GPAT2: variants seen among roughly 807,000 people sequenced by gnomAD.
GPAT2 encodes the protein 1-acylglycerol-3-phosphate O-acyltransferase GPAT2.
Under a neutral mutation model 71.0 loss-of-function variants are expected in GPAT2, and 51 were observed. The ratio of observed to expected loss-of-function variants is 0.72; its 90% CI spans 0.57 to 0.91. The LOEUF is 0.91. GPAT2 is among the 40% of genes least tolerant of loss of function. The probability of loss-of-function intolerance (pLI) is 0.00; values close to 1 mark genes in which losing one functional copy is unlikely to be tolerated. For synonymous variants in GPAT2, 222 were observed against 290.3 expected, an observed-to-expected ratio of 0.76 and a Z score of 2.39; for missense variants, 511 against 666.0, an observed-to-expected ratio of 0.77 and a Z score of 2.56.
Position 96,024,417 on chromosome 2 carries a change from C to G in GPAT2, c.1687+10G>C, listed in dbSNP as rs771806446. On this transcript the variant is annotated intron_variant, in intron 15 of 21. Transcript: ENST00000434632. ...CACATCCCACCTACCCCGTGCACCT[C>G]AAGACTCACCGCCCACAGCCTCGCT... 6.2e-7 allele frequency: 1 copy of G among 1,613,206 alleles called. No homozygotes were observed. Among genetic ancestry groups the G allele is most frequent in the African/African-American group, 1.3e-5 (1 of 74,912 alleles).
chr2:96,023,125 C>T lies in GPAT2; in HGVS notation c.2148G>A (p.Gln716=), dbSNP rs768427101. 8.7e-6 allele frequency: 14 copies of T among 1,610,660 alleles called. No individual in the cohort carries two copies. In the East Asian group the frequency reaches 2.9e-4, roughly 33 times the overall value. Residue 716 remains glutamine, a synonymous_variant, in exon 19 of 22, where the codon CAG becomes CAA. Transcript: ENST00000434632. ...AFAQAAAFLR[Q]GQLPDTELGY... ...CCTCACCAGTATCGGGCAGCTGGCCCTGGCGGAGGAAGGCGGCAGCCTGTG... is the reference window on the plus strand; with the variant it reads ...CCTCACCAGTATCGGGCAGCTGGCCTTGGCGGAGGAAGGCGGCAGCCTGTG...
rs368549574 is a variant in GPAT2, at chr2:96,025,480, C to T, written c.1357+5G>A. Reference sequence around the variant, plus strand: ...CGCAAAGGCCCAGATCTGGTTCACCCTCACCACTCAGGACATGACAGCTCA... The same window carrying T: ...CGCAAAGGCCCAGATCTGGTTCACCTTCACCACTCAGGACATGACAGCTCA... On this transcript the variant is annotated splice_donor_5th_base_variant and intron_variant, in intron 13 of 21. Transcript: ENST00000434632. 1.0e-5 allele frequency: 16 copies of T among 1,572,732 alleles called. No homozygotes were observed. Among genetic ancestry groups the T allele is most frequent in the Non-Finnish European group, 1.4e-5 (16 of 1,159,352 alleles).
Position 96,022,962 on chromosome 2 carries a change from G to T in GPAT2, c.2229C>A (p.Ile743=). The change falls in exon 20 of 22, where the codon ATC becomes ATA. Residue 743 remains isoleucine, a synonymous_variant. Coordinates refer to ENST00000434632, the MANE Select transcript of GPAT2 (RefSeq NM_001321527.2). The stretch of plus-strand genomic sequence containing the variant: ...GGCTGACTGGTTGGGACTCACCGAA[G>T]ATCCCTTCTTCCTGGGCGGTGGCCT... The part of the protein sequence containing the change: ...FLQATAQEEG[I]FECADPKLAI... The T allele has an allele frequency of 6.2e-7, 1 of 1,613,850 alleles. No individual in the cohort carries two copies. The highest frequency in any genetic ancestry group is 8.5e-7 in the Non-Finnish European group (1 of 1,179,852).
In GPAT2 at chr2:96,022,286, G is replaced by T; in HGVS notation, c.2290-11C>A. The T allele has an allele frequency of 1.3e-6, 2 of 1,584,122 alleles. No homozygotes were observed. Among genetic ancestry groups the T allele is most frequent in the Non-Finnish European group, 1.7e-6 (2 of 1,164,132 alleles). ...CGTCTGCTGCAGAACCTGGGCCATG[G>T]AAGATAAGCCGTGAGTGCGCTCACC... is the stretch of plus-strand genomic sequence containing the variant. On this transcript the variant is annotated splice_polypyrimidine_tract_variant and intron_variant, in intron 21 of 21. Transcript: ENST00000434632.
intron 14 of GPAT2, 39 bp downstream of exon 14, chr2:96,024,734 C>T (rs780303531): frequency 1.3e-5 from 21 of 1,613,304 alleles, no homozygotes; most frequent in African/African-American, 2.7e-5. Flanking sequence ...ATCGCCACCC[C>T]CCCCACCGCC....
At chr2:96,034,017 C>T (rs1158513573) in intron 1 of GPAT2, among the ~76,000 whole-genome samples, 1 of 151,726 alleles carries the variant, frequency 6.6e-6, no homozygotes, top group African/African-American at 2.4e-5. Flanking sequence ...TATATATACA[C>T]ACACATATAT....
intron 16 of GPAT2, 86 bp downstream of exon 16, chr2:96,024,103 A>G: frequency 6.3e-7 from 1 of 1,578,038 alleles, no homozygotes; most frequent in Non-Finnish European, 8.6e-7. Context: ...AGGAGGTTTC[A>G]GAGGTAGAGC....
intron 14 of GPAT2, 28 bp downstream of exon 14, chr2:96,024,745 C>A: frequency 1.9e-6 from 3 of 1,613,972 alleles, no homozygotes; most frequent in Non-Finnish European, 2.5e-6. Flanking sequence ...CCCCACCGCC[C>A]AGGTCCCCAC....
At chr2:96,022,511 A>C (rs918717343) in intron 21 of GPAT2, among the ~76,000 whole-genome samples, 157 bp downstream of exon 21, 12 of 152,158 alleles carry the variant, frequency 7.9e-5, no homozygotes, top group African/African-American at 2.9e-4. Context: ...CCCATCACCA[A>C]ATCTGTTGCT....
chr2:96,024,486 G>C lies in GPAT2; in HGVS notation c.1628C>G (p.Thr543Arg), dbSNP rs768901134. The change falls in exon 15 of 22, where the codon ACA (threonine) becomes AGA (arginine). Residue 543 changes from threonine (T) to arginine (R), a missense_variant. By Grantham distance (71) the Thr-to-Arg change is moderately conservative. Around this residue, in one of 7 missense-constraint regions of GPAT2, gnomAD observed 295 missense variants for 305.5 expected, o/e 0.97. Coordinates refer to ENST00000434632, the MANE Select transcript of GPAT2 (RefSeq NM_001321527.2). ...LVVPQPGPGL[T>R]HLAQLSAELL... is the part of the protein sequence containing the mutation. ...CTCAGCACTCAGTTGTGCCAGGTGT[G>C]TGAGGCCTGGGCCAGGCTGCGGCAC... The C allele has an allele frequency of 1.9e-6, 3 of 1,613,898 alleles. No individual in the cohort carries two copies. Among genetic ancestry groups the C allele is most frequent in the East Asian group, 2.2e-5 (1 of 44,896 alleles).
chr2:96,023,101 C>A lies in GPAT2; in HGVS notation c.2167+5G>T. 5 of 1,613,240 alleles carry A rather than the reference C, an allele frequency of 3.1e-6. No individual in the cohort carries two copies. Among genetic ancestry groups the A allele is most frequent in the Non-Finnish European group, 4.2e-6 (5 of 1,179,304 alleles). On this transcript the variant is annotated splice_donor_5th_base_variant and intron_variant, in intron 19 of 21. Coordinates refer to ENST00000434632, the MANE Select transcript of GPAT2 (RefSeq NM_001321527.2). ...TCGAGGACTGCAAGGGAACAAGGGC[C>A]TCACCAGTATCGGGCAGCTGGCCCT...
At position 96,022,268 on chromosome 2, in the gene GPAT2, T is replaced by C; in HGVS notation, c.2297A>G (p.Gln766Arg). ...VWTFRDLGVL[Q>R]QTPSPAGPRL... ...GGGGCCTGCAGGGCTCGGCGTCTGC[T>C]GCAGAACCTGGGCCATGGAAGATAA... The change falls in exon 22 of 22, where the codon CAG (glutamine) becomes CGG (arginine). Residue 766 changes from glutamine to arginine, a missense_variant. By Grantham distance (43) the Gln-to-Arg change is conservative. Transcript: ENST00000434632. 6.3e-7 allele frequency: 1 copy of C among 1,595,462 alleles called. No homozygotes were observed.
Position 96,023,327 on chromosome 2 carries a change from A to G in GPAT2, c.2028T>C (p.Ala676=), listed in dbSNP as rs374532351. ...AACACACCCTGAAGTACCGGCCGTCAGCCTCTCCGAAGTCATCACTGTCAC... is the reference window on the plus strand; with the variant it reads ...AACACACCCTGAAGTACCGGCCGTCGGCCTCTCCGAAGTCATCACTGTCAC... ...TDSDSDDFGE[A]DGRYFRLSQQ... Residue 676 remains alanine, a synonymous_variant, in exon 18 of 22, where the codon GCT becomes GCC. Transcript: ENST00000434632. 1.8e-4 allele frequency: 297 copies of G among 1,614,104 alleles called. 1 individual carries two copies. Among genetic ancestry groups the G allele is most frequent in the Non-Finnish European group, 2.3e-4 (273 of 1,180,030 alleles).
rs774238443 is a variant in GPAT2 at position 96,023,354 on chromosome 2, A to G, written c.2001T>C (p.Asp667=). The G allele has an allele frequency of 3.1e-6, 5 of 1,614,188 alleles. No homozygotes were observed. The South Asian group carries it at 3.3e-5, about 11-fold the overall frequency. The change falls in exon 18 of 22, where the codon GAT becomes GAC. Residue 667 remains aspartate (D), a synonymous_variant. Coordinates refer to ENST00000434632, the MANE Select transcript of GPAT2 (RefSeq NM_001321527.2). ...CCTCTCCGAAGTCATCACTGTCACT[A>G]TCAGTAAAGTCCCCACTCGGTTTCC... ...LLWKPSGDFT[D]SDSDDFGEAD... is the part of the protein sequence containing the mutation.
intron 13 of GPAT2, chr2:96,025,130 G>A: frequency 3.4e-6 from 2 of 585,910 alleles, no homozygotes; most frequent in Admixed American, 3.0e-5. Context: ...CTCTGTGGAG[G>A]CGCTGTGCTA....
chr2:96,024,588 C>T lies in GPAT2; in HGVS notation c.1526G>A (p.Ser509Asn), dbSNP rs1171449029. The change falls in exon 15 of 22, where the codon AGC becomes AAC. Residue 509 changes from serine (S) to asparagine (N), a missense_variant. Coordinates refer to ENST00000434632, the MANE Select transcript of GPAT2 (RefSeq NM_001321527.2). ...FDVGFSGQLR[S>N]LLQHSLSLLR... ...CAGGCTCAGTGAGTGCTGCAGCAGG[C>T]TCCGCAGCTGCCCAGAGAAGCCTAC... 4 of 1,613,854 alleles carry T rather than the reference C, an allele frequency of 2.5e-6. No individual in the cohort carries two copies. The South Asian group carries it at 4.4e-5, about 18-fold the overall frequency.
rs1407651099 is a variant in GPAT2, at chr2:96,023,403, T to C, written c.1952A>G (p.Gln651Arg). 6.2e-6 allele frequency: 10 copies of C among 1,614,116 alleles called. No homozygotes were observed. Among genetic ancestry groups the C allele is most frequent in the South Asian group, 1.1e-5 (1 of 91,088 alleles). Reference protein sequence around the residue: ...GSRPACDTGRQRLSRKLLWKP... With the variant: ...GSRPACDTGRRRLSRKLLWKP... ...CCACAGCAGCTTTCTGCTCAATCGC[T>C]GTCGCCCTGTGTCACAGGCTGGCCG... Residue 651 changes from glutamine to arginine, a missense_variant, in exon 18 of 22, where the codon CAG becomes CGG. Physicochemically the swap from Gln to Arg is conservative, Grantham distance 43. Around this residue, in one of 7 missense-constraint regions of GPAT2, gnomAD observed 295 missense variants for 305.5 expected, o/e 0.97. Coordinates refer to ENST00000434632, the MANE Select transcript of GPAT2 (RefSeq NM_001321527.2).
chr2:96,024,345 C>T lies in GPAT2; in HGVS notation c.1688-8G>A, dbSNP rs530415286. The T allele has an allele frequency of 3.0e-5, 48 of 1,594,532 alleles. 1 individual carries two copies. The highest frequency in any genetic ancestry group is 7.9e-5 in the South Asian group (7 of 88,428). On this transcript the variant is annotated splice_region_variant and splice_polypyrimidine_tract_variant and intron_variant, in intron 15 of 21. Coordinates refer to ENST00000434632, the MANE Select transcript of GPAT2 (RefSeq NM_001321527.2). The stretch of plus-strand genomic sequence containing the variant: ...GCCCCCGCACTGCACAGGCTGGGGG[C>T]GGAGGGTCCATTATGAAGAAGGAGC...
At chr2:96,025,042 G>A (rs1438842505) in intron 13 of GPAT2, 199 bp from the exon 14 acceptor site, 15 of 645,716 alleles carry the variant, frequency 2.3e-5, no homozygotes, top group South Asian at 9.1e-5. Flanking sequence ...GGATCTCATC[G>A]TAGGGCCCAC....
Sources: allele counts gnomAD v4.1 joint callset (sites outside exome capture counted in the v4.1 genomes callset), GRCh38; gene constraint gnomAD v4.1.1; regional missense constraint gnomAD v4.1.1; transcripts MANE v1.5; gene names NCBI Gene and HGNC (gene_info 2026-07-23, HGNC 2026-07-21).